VRK2: variants seen among roughly 807,000 people sequenced by gnomAD.
VRK2 encodes the protein serine/threonine-protein kinase VRK2.
A neutral mutation model predicts 57.6 loss-of-function variants in VRK2; 60 were observed. The ratio of observed to expected loss-of-function variants is 1.04; its 90% confidence interval spans 0.85 to 1.29. The LOEUF (loss-of-function observed/expected upper bound fraction) is 1.29. Ranked by LOEUF, VRK2 falls within the 50% of genes most tolerant of loss-of-function variation. VRK2 has a pLI of 0.00. For missense variants in VRK2, 705 were observed against 588.1 expected (o/e 1.20, Z -2.06); for synonymous variants, 231 against 199.2 (o/e 1.16, Z -1.35).
At chr2:58,062,111 C>T (rs991128031) in intron 2 of VRK2, among the ~76,000 whole-genome samples, 2 of 151,982 alleles carry the variant, frequency 1.3e-5, no homozygotes, top group Non-Finnish European at 2.9e-5. Flanking sequence ...ACATTTTGGT[C>T]ATTTTGACAA....
chr2:57,991,637 A>G (rs1572750907), intron 1 of VRK2, among the ~76,000 whole-genome samples: 1 of 152,218 alleles, frequency 6.6e-6, no homozygotes, highest in East Asian at 1.9e-4. Context: ...CTCCTAGTCT[A>G]GGTTAGACAT....
At chr2:58,091,899 T>C (rs1324461302) in intron 7 of VRK2, among the ~76,000 whole-genome samples, 1 of 152,136 alleles carries the variant, frequency 6.6e-6, no homozygotes, top group Non-Finnish European at 1.5e-5. Context: ...AATAATAGTC[T>C]GATAATATTG....
At chr2:57,978,739 A>AGGT (rs891788089) in intron 1 of VRK2, among the ~76,000 whole-genome samples, 1 of 148,218 alleles carries the variant, frequency 6.7e-6, no homozygotes, top group African/African-American at 2.6e-5. Flanking sequence ...TTTGTTTCAT[A>AGGT]GGTATACATG....
chr2:57,991,086 C>G (rs1382990797), intron 1 of VRK2, among the ~76,000 whole-genome samples: 1 of 152,042 alleles, frequency 6.6e-6, no homozygotes, highest in Non-Finnish European at 1.5e-5. Flanking sequence ...AATCTACATC[C>G]TATCCTTTGC....
chr2:58,001,777 G>A (rs557719426), intron 1 of VRK2, among the ~76,000 whole-genome samples: 6 of 152,102 alleles, frequency 3.9e-5, no homozygotes, highest in East Asian at 3.9e-4. Flanking sequence ...AGCCGAGATC[G>A]CGCCACTGCA....
rs533724445 is a variant in VRK2 at position 57,914,006 on chromosome 2, C to A, written c.-439+6167C>A. ...ACTTGTCTAATTCTTAAGTCAAACACAAAATTGCTTAATACATTAAAGAGA... is the reference window on the plus strand; with the variant it reads ...ACTTGTCTAATTCTTAAGTCAAACAAAAAATTGCTTAATACATTAAAGAGA... On this transcript the variant is annotated intron_variant, in intron 1 of 15. Transcript: ENST00000417641. Among the ~76,000 whole-genome samples, 3 of 152,024 alleles carry A rather than the reference C, an allele frequency of 2.0e-5. No individual in the cohort carries two copies. The South Asian group carries it at 6.2e-4, about 32-fold the overall frequency.
chr2:58,057,637 C>T (rs1348073044), intron 2 of VRK2, among the ~76,000 whole-genome samples: 1 of 152,024 alleles, frequency 6.6e-6, no homozygotes, highest in Non-Finnish European at 1.5e-5. Flanking sequence ...ATGTAACATG[C>T]ATAAGAAATC....
intron 1 of VRK2, among the ~76,000 whole-genome samples, chr2:57,914,373 A>G (rs1670083201): frequency 6.6e-6 from 1 of 152,034 alleles, no homozygotes; most frequent in Non-Finnish European, 1.5e-5. Context: ...CTTAGTTAAT[A>G]TCAGCTCTGT....
chr2:58,137,187 A>G (rs1680510419), intron 10 of VRK2, among the ~76,000 whole-genome samples: 2 of 107,998 alleles, frequency 1.9e-5, no homozygotes, highest in African/African-American at 4.8e-5. Flanking sequence ...TATATCATAT[A>G]TGATACATAT....
chr2:58,158,117 C>CTAAG (rs1471818365), intron 12 of VRK2, among the ~76,000 whole-genome samples: 1 of 152,120 alleles, frequency 6.6e-6, no homozygotes, highest in African/African-American at 2.4e-5. Context: ...CTATCCTTAC[C>CTAAG]TAAGTGGAGA....
chr2:58,117,120 A>G (rs1558656690), intron 7 of VRK2, among the ~76,000 whole-genome samples: 1 of 152,134 alleles, frequency 6.6e-6, no homozygotes, highest in Non-Finnish European at 1.5e-5. Flanking sequence ...TAAAATGTAT[A>G]TTGAGAATAA....
At chr2:58,000,541 C>T (rs1210480802) in intron 1 of VRK2, among the ~76,000 whole-genome samples, 2 of 152,168 alleles carry the variant, frequency 1.3e-5, no homozygotes, top group African/African-American at 2.4e-5. Flanking sequence ...TAGAAAATGA[C>T]TAAATTATTC....
At chr2:58,066,563 G>A (rs1214515888) in intron 2 of VRK2, among the ~76,000 whole-genome samples, 3 of 151,792 alleles carry the variant, frequency 2.0e-5, no homozygotes, top group African/African-American at 7.3e-5. Flanking sequence ...GTCTAATTTT[G>A]TATCAGGGTA....
At chr2:58,029,819 C>T (rs1025412946) in intron 2 of VRK2, among the ~76,000 whole-genome samples, 1 of 152,054 alleles carries the variant, frequency 6.6e-6, no homozygotes, top group African/African-American at 2.4e-5. Flanking sequence ...AGGCACATTT[C>T]CATCTGAAAG....
intron 1 of VRK2, among the ~76,000 whole-genome samples, chr2:57,973,320 T>C (rs1445257497): frequency 1.3e-5 from 2 of 151,916 alleles, no homozygotes; most frequent in Admixed American, 6.6e-5. Context: ...GTACAAAATA[T>C]ATAAAAAGTA....
rs558666657 is a variant in VRK2 at position 58,004,397 on chromosome 2, T to C, written c.-438-21268T>C. On this transcript the variant is annotated intron_variant, in intron 1 of 15. Coordinates refer to the VRK2 transcript ENST00000417641. The stretch of plus-strand genomic sequence containing the variant: ...GTCTATTTCCTTCTTTCAGGACTTG[T>C]AAATGAGCCTCTTACCAAAAGCTTT... 3.9e-5 allele frequency among the ~76,000 whole-genome samples: 6 copies of C among 152,286 alleles called. No individual in the cohort carries two copies. The South Asian group carries it at 1.2e-3, about 32-fold the overall frequency.
intron 1 of VRK2, among the ~76,000 whole-genome samples, chr2:57,923,116 C>T (rs751760443): frequency 6.6e-6 from 1 of 151,934 alleles, no homozygotes; most frequent in Admixed American, 6.6e-5. Flanking sequence ...GTTATCCATT[C>T]ATCTGCTGAT....
At chr2:57,917,720 T>C (rs1670202734) in intron 1 of VRK2, among the ~76,000 whole-genome samples, 2 of 151,840 alleles carry the variant, frequency 1.3e-5, no homozygotes, top group South Asian at 4.2e-4. Flanking sequence ...AAATGAAATG[T>C]TGATATAGCT....
chr2:58,155,791 C>A (rs1201301119), intron 12 of VRK2, among the ~76,000 whole-genome samples: 1 of 148,132 alleles, frequency 6.8e-6, no homozygotes. Flanking sequence ...TTCCACAGCA[C>A]CTGGAGAGAA....
Sources: gnomAD v4.1 joint callset for allele counts (sites outside exome capture counted in the v4.1 genomes callset) on GRCh38, gnomAD v4.1.1 for gene constraint, MANE v1.5 for transcripts, NCBI Gene and HGNC (gene_info 2026-07-23, HGNC 2026-07-21) for gene names.